Variants in KLHL1 observed in about 807,000 individuals in gnomAD.
KLHL1 encodes kelch-like protein 1.
In KLHL1, 47 loss-of-function variants were observed where a neutral mutation model predicts 77.7. The observed-to-expected ratio is 0.60, with a 90% confidence interval of 0.48 to 0.77. KLHL1 has a LOEUF of 0.77. Among genes scored for constraint, KLHL1 ranks in the 30% least tolerant of loss-of-function variants. The probability of loss-of-function intolerance (pLI) is 0.00; values close to 1 mark genes in which losing one functional copy is unlikely to be tolerated. For synonymous variants in KLHL1, 360 were observed against 325.2 expected (o/e 1.11, Z -1.15); for missense variants, 925 against 910.8 (o/e 1.02, Z -0.20).
chr13:69,782,302 CAGACAGTGGGCGCA>C (rs1179791209), intron 7 of KLHL1, among the ~76,000 whole-genome samples: 1 of 152,196 alleles, frequency 6.6e-6, no homozygotes, highest in Admixed American at 6.5e-5. Context: ...TAGGGAGTGC[CAGACAGTGGGCGCA>C]GGTCAGTGGG....
At chr13:70,049,696 G>T (rs1308160934) in intron 1 of KLHL1, among the ~76,000 whole-genome samples, 1 of 152,016 alleles carries the variant, frequency 6.6e-6, no homozygotes, top group Non-Finnish European at 1.5e-5. Flanking sequence ...AAACTTAGAA[G>T]TAAAAAGAAA....
chr13:70,037,838 T>A (rs1249067842), intron 1 of KLHL1, among the ~76,000 whole-genome samples: 1 of 152,174 alleles, frequency 6.6e-6, no homozygotes, highest in Non-Finnish European at 1.5e-5. Context: ...TGAGGGTTTT[T>A]TTGCCAATAT....
chr13:69,733,072 C>T (rs1395299963), intron 8 of KLHL1, among the ~76,000 whole-genome samples: 1 of 151,916 alleles, frequency 6.6e-6, no homozygotes, highest in Admixed American at 6.6e-5. Flanking sequence ...TTTACTTACT[C>T]AACAAAACTT....
chr13:69,846,762 T>A (rs1879477303), intron 5 of KLHL1, among the ~76,000 whole-genome samples: 1 of 151,470 alleles, frequency 6.6e-6, no homozygotes, highest in African/African-American at 2.4e-5. Flanking sequence ...TTAGCAACAT[T>A]AAAGCATTGC....
intron 1 of KLHL1, among the ~76,000 whole-genome samples, chr13:69,987,515 C>T (rs1446246071): frequency 1.3e-5 from 2 of 151,034 alleles, no homozygotes; most frequent in Admixed American, 6.6e-5. Flanking sequence ...TAACTTTAAT[C>T]TAGGTCAAAG....
At chr13:69,803,671 G>A (rs1009025146) in intron 6 of KLHL1, among the ~76,000 whole-genome samples, 2 of 152,176 alleles carry the variant, frequency 1.3e-5, no homozygotes, top group African/African-American at 4.8e-5. Context: ...TGGGGAAGGA[G>A]AGCTTTCTCC....
Position 69,701,675 on chromosome 13 carries a change from A to T in KLHL1, c.*27T>A, listed in dbSNP as rs2137863074. On this transcript the variant is annotated 3_prime_UTR_variant, in exon 11 of 11. Coordinates refer to ENST00000377844, the MANE Select transcript of KLHL1 (RefSeq NM_020866.3). ...TAAAAATAACCACTCCAGCAAGTAA[A>T]ATCTTTCCAAGTAAAATATCAATAA... 1 of 1,558,338 alleles carries T rather than the reference A, an allele frequency of 6.4e-7. No individual in the cohort carries two copies. The highest frequency in any genetic ancestry group is 2.3e-5 in the East Asian group (1 of 44,370).
At chr13:69,852,497 C>T (rs1879730019) in intron 5 of KLHL1, among the ~76,000 whole-genome samples, 1 of 151,790 alleles carries the variant, frequency 6.6e-6, no homozygotes, top group African/African-American at 2.4e-5. Flanking sequence ...TTGTTTTAGC[C>T]TTATTTCAAT....
chr13:69,731,801 T>A (rs958963415), intron 8 of KLHL1, among the ~76,000 whole-genome samples: 1 of 152,020 alleles, frequency 6.6e-6, no homozygotes, highest in Non-Finnish European at 1.5e-5. Flanking sequence ...GAGCAGGATT[T>A]TGAGAGCAAA....
chr13:70,004,873 C>T (rs1212237768), intron 1 of KLHL1, among the ~76,000 whole-genome samples: 2 of 151,140 alleles, frequency 1.3e-5, no homozygotes, highest in Non-Finnish European at 3.0e-5. Context: ...ATATTTATAA[C>T]TATAACTGAT....
At chr13:70,095,045 G>A (rs925269434) in intron 1 of KLHL1, among the ~76,000 whole-genome samples, 3 of 152,142 alleles carry the variant, frequency 2.0e-5, no homozygotes, top group Non-Finnish European at 4.4e-5. Context: ...AGCTACTGTT[G>A]TAGCTCCTCC....
chr13:69,876,673 T>A (rs955972931), intron 5 of KLHL1, among the ~76,000 whole-genome samples: 10 of 152,182 alleles, frequency 6.6e-5, no homozygotes, highest in African/African-American at 2.2e-4. Context: ...CATTGCTATA[T>A]ATTTCCCTTA....
At chr13:69,965,327 G>A (rs986081664) in intron 2 of KLHL1, among the ~76,000 whole-genome samples, 4 of 152,052 alleles carry the variant, frequency 2.6e-5, no homozygotes, top group Admixed American at 1.3e-4. Context: ...ATATTTTATT[G>A]TTATGTCTGT....
intron 8 of KLHL1, among the ~76,000 whole-genome samples, chr13:69,726,426 G>T (rs1389110172): frequency 2.0e-5 from 3 of 152,068 alleles, no homozygotes; most frequent in Non-Finnish European, 4.4e-5. Flanking sequence ...GCCTTTCCAT[G>T]GGAAATATTT....
intron 3 of KLHL1, among the ~76,000 whole-genome samples, chr13:69,951,166 C>A (rs2137254677): frequency 6.6e-6 from 1 of 151,664 alleles, no homozygotes; most frequent in East Asian, 1.9e-4. Flanking sequence ...TAAGACATTA[C>A]TTATTGTGAA....
At chr13:70,045,988 T>G (rs1218515698) in intron 1 of KLHL1, among the ~76,000 whole-genome samples, 1 of 152,226 alleles carries the variant, frequency 6.6e-6, no homozygotes, top group African/African-American at 2.4e-5. Flanking sequence ...AACAACTATA[T>G]TCTAGTTAAG....
chr13:69,938,299 T>C (rs1883246731), intron 4 of KLHL1, among the ~76,000 whole-genome samples: 1 of 152,104 alleles, frequency 6.6e-6, no homozygotes, highest in African/African-American at 2.4e-5. Context: ...TGAAATCATT[T>C]AAATTTCAGC....
intron 3 of KLHL1, among the ~76,000 whole-genome samples, chr13:69,943,472 A>G (rs945550465): frequency 6.6e-6 from 1 of 152,022 alleles, no homozygotes; most frequent in Non-Finnish European, 1.5e-5. Context: ...CAGTGATTAG[A>G]GTAATATGAA....
At chr13:70,070,303 A>G (rs1024897733) in intron 1 of KLHL1, among the ~76,000 whole-genome samples, 4 of 152,086 alleles carry the variant, frequency 2.6e-5, no homozygotes, top group African/African-American at 9.7e-5. Context: ...CATATCATTC[A>G]TAATAAAACT....
Sources: gnomAD v4.1 joint callset for allele counts (sites outside exome capture counted in the v4.1 genomes callset) on GRCh38, gnomAD v4.1.1 for gene constraint, MANE v1.5 for transcripts, NCBI Gene and HGNC (gene_info 2026-07-23, HGNC 2026-07-21) for gene names.